CPLANE1: variants seen among roughly 807,000 people sequenced by gnomAD.
CPLANE1 encodes the protein ciliogenesis and planar polarity effector 1.
A neutral mutation model predicts 362.5 loss-of-function variants in CPLANE1; 263 were observed. The observed-to-expected ratio is 0.73, with a 90% CI of 0.66 to 0.80. CPLANE1 has a LOEUF of 0.80. CPLANE1 is among the 30% of genes least tolerant of loss of function. CPLANE1 has a pLI of 0.00. For synonymous variants in CPLANE1, 1,212 were observed against 1,302.6 expected (o/e 0.93, Z 1.50); for missense variants, 3,461 against 3,793.4 (o/e 0.91, Z 2.30).
rs555560253 is a variant in CPLANE1 at position 37,196,538 on chromosome 5, A to C, written c.3673-542T>G. Among the ~76,000 whole-genome samples the C allele has an allele frequency of 2.0e-3, 305 of 152,302 alleles. 1 individual carries two copies. Among genetic ancestry groups the C allele is most frequent in the Non-Finnish European group, 2.8e-3 (192 of 68,028 alleles). On this transcript the variant is annotated intron_variant, in intron 20 of 52. Coordinates refer to ENST00000651892, the MANE Select transcript of CPLANE1 (RefSeq NM_001384732.1). ...CTTGATAGAGGGTGTGACACGATCC[A>C]AACTCAATCTCCTCATCCCTAAAAT...
Position 37,107,033 on chromosome 5 carries a change from G to C in CPLANE1, c.*569C>G. ...CTTCCTCCAAGGCTTCAGGCTACAG[G>C]GCAGAAGACAGAAGATCTCCTGGCC... On this transcript the variant is annotated 3_prime_UTR_variant, in exon 53 of 53. Coordinates refer to ENST00000651892, the MANE Select transcript of CPLANE1 (RefSeq NM_001384732.1). 7 of 985,302 alleles carry C rather than the reference G, an allele frequency of 7.1e-6. No homozygotes were observed. The South Asian group carries it at 3.3e-4, about 46-fold the overall frequency. 61.0% of individuals were successfully genotyped at this position (985,302 alleles called of 1,614,324 possible).
intron 32 of CPLANE1, 95 bp downstream of exon 32, chr5:37,173,660 T>G (rs537239173): frequency 1.9e-6 from 2 of 1,067,952 alleles, no homozygotes; most frequent in South Asian, 3.2e-5. Context: ...TGTGATATAA[T>G]TTTACCTTGT....
chr5:37,092,517 C>T, the CPLANE1 span, among the ~76,000 whole-genome samples: 2 of 152,240 alleles, frequency 1.3e-5, no homozygotes, highest in Non-Finnish European at 2.9e-5. Flanking sequence ...AAGCCCATAG[C>T]CTCCAGTTAG....
intron 43 of CPLANE1, among the ~76,000 whole-genome samples, chr5:37,146,917 T>C (rs897607613): frequency 2.6e-5 from 4 of 152,090 alleles, no homozygotes; most frequent in Non-Finnish European, 5.9e-5. Flanking sequence ...AAAGGATTAT[T>C]AGGGATAAAG....
rs1375348818 is a variant in CPLANE1 at position 37,209,998 on chromosome 5, G to A, written c.2920+3561C>T. 12 of 880,618 alleles carry A rather than the reference G, an allele frequency of 1.4e-5. No homozygotes were observed. Among genetic ancestry groups the A allele is most frequent in the African/African-American group, 1.0e-4 (6 of 59,736 alleles). The allele number at this position is 880,618 out of a possible 1,614,324, so 54.6% of individuals were successfully genotyped here. On this transcript the variant is annotated intron_variant, in intron 16 of 52. Coordinates refer to ENST00000651892, the MANE Select transcript of CPLANE1 (RefSeq NM_001384732.1). The surrounding 1 kb of genome is among the most constrained non-coding windows in gnomAD (Gnocchi z 4.6). ...AAGAGAGAAATAGAAGAGCAACTTC[G>A]GGAAGAAATATGTCAAAAGTTGAAG...
chr5:37,153,701 T>G, intron 42 of CPLANE1, 39 bp downstream of exon 42: 1 of 1,572,040 alleles, frequency 6.4e-7, no homozygotes, highest in Non-Finnish European at 8.7e-7. Flanking sequence ...ATCTAATAAT[T>G]CAGTAGCAAA....
At chr5:37,244,141 C>T (rs990311790) in intron 5 of CPLANE1, among the ~76,000 whole-genome samples, 17 of 152,058 alleles carry the variant, frequency 1.1e-4, no homozygotes, top group South Asian at 2.1e-4. Flanking sequence ...TGAGCCACCG[C>T]GCCCGGCATA....
intron 20 of CPLANE1, among the ~76,000 whole-genome samples, chr5:37,197,596 C>T (rs1488359832): frequency 6.6e-6 from 1 of 152,110 alleles, no homozygotes; most frequent in Non-Finnish European, 1.5e-5. Flanking sequence ...TGTGGTGGTT[C>T]TGATGCACAG....
chr5:37,242,958 C>T, intron 6 of CPLANE1, 55 bp downstream of exon 6: 1 of 1,239,842 alleles, frequency 8.1e-7, no homozygotes, highest in Non-Finnish European at 1.1e-6. Flanking sequence ...CAAGACCCTG[C>T]CTCCAAAAGA....
intron 12 of CPLANE1, among the ~76,000 whole-genome samples, chr5:37,225,697 C>G (rs1561660888): frequency 6.6e-6 from 1 of 151,608 alleles, no homozygotes; most frequent in Non-Finnish European, 1.5e-5. Flanking sequence ...ACTAAAAATA[C>G]AAAAATTAGC....
At chr5:37,212,466 G>C in intron 16 of CPLANE1, 3 of 522,908 alleles carry the variant, frequency 5.7e-6, no homozygotes, top group East Asian at 3.7e-5. Context: ...TCTATCAACA[G>C]ATAAAACTCT....
At position 37,183,383 on chromosome 5, in the gene CPLANE1, ATGT is replaced by A; in HGVS notation, c.4795_4797del (p.Thr1599del). The stretch of plus-strand genomic sequence containing the variant: ...TTAGTTTTGCTCTGATGTCGTTTTA[ATGT>A]TGTATGTACATCAAAAAGTAAAGAA... On this transcript the variant is annotated inframe_deletion, in exon 26 of 53. Transcript: ENST00000651892. 1.2e-6 allele frequency: 2 copies of A among 1,612,732 alleles called. No homozygotes were observed. Among genetic ancestry groups the A allele is most frequent in the Non-Finnish European group, 1.7e-6 (2 of 1,179,642 alleles).
intron 41 of CPLANE1, among the ~76,000 whole-genome samples, chr5:37,156,492 C>T (rs113630894): frequency 0.014 from 2,098 of 152,078 alleles, 53 homozygotes; most frequent in African/African-American, 0.047. Context: ...GTAATCCTAG[C>T]TACTTAGGAG....
intron 18 of CPLANE1, among the ~76,000 whole-genome samples, chr5:37,202,938 T>A (rs975591714): frequency 6.6e-6 from 1 of 150,452 alleles, no homozygotes; most frequent in Non-Finnish European, 1.5e-5. Context: ...TCTTTATATA[T>A]TTTATATATA....
intron 49 of CPLANE1, 129 bp from the exon 50 acceptor site, chr5:37,120,469 G>A (rs1762325589): frequency 1.4e-6 from 1 of 701,770 alleles, no homozygotes; most frequent in Admixed American, 4.1e-5. Context: ...ACTGGCGAGG[G>A]TGGGACAGGA....
intron 9 of CPLANE1, 21 bp from the exon 10 acceptor site, chr5:37,227,838 TAC>T: frequency 6.5e-7 from 1 of 1,530,630 alleles, no homozygotes; most frequent in Non-Finnish European, 8.8e-7. Context: ...AACATCAAAA[TAC>T]AAGAATCAGT....
chr5:37,091,199 G>A, the CPLANE1 span, among the ~76,000 whole-genome samples: 1 of 152,282 alleles, frequency 6.6e-6, no homozygotes, highest in South Asian at 2.1e-4. Context: ...GCAAACAGAT[G>A]TTACACACGT....
intron 8 of CPLANE1, among the ~76,000 whole-genome samples, chr5:37,235,005 A>G (rs1273279209): frequency 6.6e-6 from 1 of 152,182 alleles, no homozygotes; most frequent in Non-Finnish European, 1.5e-5. Context: ...ATCAGGCAAG[A>G]TAAAAAAATA....
intron 41 of CPLANE1, among the ~76,000 whole-genome samples, chr5:37,154,456 G>GTTTTTTTTTT (rs1457651303): frequency 2.9e-4 from 24 of 83,054 alleles, no homozygotes; most frequent in African/African-American, 1.5e-3. Context: ...ATTTGCAATA[G>GTTTTTTTTTT]TTCTTTTTTT....
Sources: allele counts gnomAD v4.1 joint callset (sites outside exome capture counted in the v4.1 genomes callset), GRCh38; gene constraint gnomAD v4.1.1; non-coding constraint Gnocchi (gnomAD v3.1); transcripts MANE v1.5; gene names NCBI Gene and HGNC (gene_info 2026-07-23, HGNC 2026-07-21).